GUCY1A2: variants seen among roughly 807,000 people sequenced by gnomAD.
GUCY1A2 encodes guanylate cyclase 1 soluble subunit alpha 2.
A neutral mutation model predicts 63.5 loss-of-function variants in GUCY1A2; 27 were observed. The observed-to-expected ratio is 0.43, with a 90% CI of 0.31 to 0.59. The LOEUF is 0.59. GUCY1A2 is among the 20% of genes least tolerant of loss of function. The probability of loss-of-function intolerance (pLI) is 0.11; values close to 1 mark genes in which losing one functional copy is unlikely to be tolerated. For synonymous variants in GUCY1A2, 364 were observed against 343.5 expected, an observed-to-expected ratio of 1.06 and a Z score of -0.66; for missense variants, 768 against 913.3, an observed-to-expected ratio of 0.84 and a Z score of 2.05.
At position 106,928,572 on chromosome 11, in the gene GUCY1A2, T is replaced by C. The variant is rs144373980; in HGVS notation, c.1206+10888A>G. Reference sequence around the variant, plus strand: ...TATGATTCAAACATAAATACAGTCATGAATCACTTAACAACAAGAGAAATA... The same window carrying C: ...TATGATTCAAACATAAATACAGTCACGAATCACTTAACAACAAGAGAAATA... On this transcript the variant is annotated intron_variant, in intron 4 of 7. Transcript: ENST00000526355. 1.1e-4 allele frequency among the ~76,000 whole-genome samples: 16 copies of C among 151,896 alleles called. No homozygotes were observed. In the East Asian group the frequency reaches 2.7e-3, roughly 26 times the overall value.
rs6144495 is a variant in GUCY1A2 at position 106,922,662 on chromosome 11, CATATATATATATATATATATAT to C, written c.1206+16776_1206+16797del. Among the ~76,000 whole-genome samples the C allele has an allele frequency of 3.1e-3, 385 of 124,796 alleles. 2 individuals are homozygous for C. Among genetic ancestry groups the C allele is most frequent in the African/African-American group, 9.0e-3 (280 of 31,112 alleles). 81.9% of individuals were successfully genotyped at this position (124,796 alleles called of 152,430 possible). A position where few individuals can be genotyped will look rare whatever the true frequency, so the allele number is the denominator to read the frequency against. ...TGGTAATTCAGTGCTTTGTTAACTA[CATATATATATATATATATATAT>C]ATATATATATATATATATATATATA... is the stretch of plus-strand genomic sequence containing the variant. On this transcript the variant is annotated intron_variant, in intron 4 of 7. Coordinates refer to ENST00000526355, the MANE Select transcript of GUCY1A2 (RefSeq NM_000855.3).
At chr11:106,898,895 A>G (rs1193390058) in intron 4 of GUCY1A2, among the ~76,000 whole-genome samples, 1 of 152,204 alleles carries the variant, frequency 6.6e-6, no homozygotes, top group Non-Finnish European at 1.5e-5. Context: ...GAATTGTAAC[A>G]AATGTATCAC....
At chr11:106,994,712 G>A (rs982893747) in intron 1 of GUCY1A2, among the ~76,000 whole-genome samples, 5 of 152,196 alleles carry the variant, frequency 3.3e-5, no homozygotes, top group African/African-American at 7.2e-5. Context: ...AGACCAGGTC[G>A]TGGGTCTCCT....
At chr11:106,935,475 T>C (rs541657884) in intron 4 of GUCY1A2, among the ~76,000 whole-genome samples, 2 of 152,152 alleles carry the variant, frequency 1.3e-5, no homozygotes, top group Non-Finnish European at 2.9e-5. Context: ...GATCCCTTCA[T>C]GGTAGGTAAG....
intron 6 of GUCY1A2, among the ~76,000 whole-genome samples, chr11:106,763,790 C>T (rs906217735): frequency 4.6e-5 from 7 of 152,088 alleles, no homozygotes; most frequent in African/African-American, 1.7e-4. Flanking sequence ...TAAAGGCTTG[C>T]AGGCTGACTG....
intron 1 of GUCY1A2, among the ~76,000 whole-genome samples, chr11:106,991,715 T>C (rs1861472570): frequency 2.0e-5 from 3 of 152,232 alleles, no homozygotes; most frequent in Admixed American, 6.5e-5. Flanking sequence ...ACTAATGGCT[T>C]ATAATCAAAT....
At chr11:106,774,812 T>C (rs531402124) in intron 6 of GUCY1A2, among the ~76,000 whole-genome samples, 1 of 152,318 alleles carries the variant, frequency 6.6e-6, no homozygotes, top group African/African-American at 2.4e-5. Context: ...GCTTCATCTA[T>C]GTCTAATCTG....
At chr11:106,724,828 A>C (rs1005552369) in intron 6 of GUCY1A2, among the ~76,000 whole-genome samples, 1 of 152,158 alleles carries the variant, frequency 6.6e-6, no homozygotes, top group Non-Finnish European at 1.5e-5. Context: ...TAGAGTGTGC[A>C]ACACTCTGTG....
chr11:106,809,467 C>T (rs1289551304), intron 5 of GUCY1A2, among the ~76,000 whole-genome samples: 1 of 152,004 alleles, frequency 6.6e-6, no homozygotes, highest in Non-Finnish European at 1.5e-5. Flanking sequence ...TAAGGTACTT[C>T]CTCAAAAACT....
chr11:106,909,903 CCACAACTTTGTGGG>C (rs1860269800), intron 4 of GUCY1A2, among the ~76,000 whole-genome samples: 1 of 151,832 alleles, frequency 6.6e-6, no homozygotes. Flanking sequence ...TGGTAATTGC[CCACAACTTTGTGGG>C]CACATTCATT....
At chr11:107,000,106 G>C (rs1037594526) in intron 1 of GUCY1A2, among the ~76,000 whole-genome samples, 2 of 152,144 alleles carry the variant, frequency 1.3e-5, no homozygotes, top group African/African-American at 4.8e-5. Flanking sequence ...CAGCAGGAAA[G>C]TTAGGTTTAT....
At chr11:106,703,838 A>G (rs1006108321) in intron 7 of GUCY1A2, among the ~76,000 whole-genome samples, 1 of 151,982 alleles carries the variant, frequency 6.6e-6, no homozygotes, top group African/African-American at 2.4e-5. Context: ...TTATTAAGTA[A>G]TGATTACTTA....
At chr11:106,991,234 G>C (rs1224121640) in intron 1 of GUCY1A2, among the ~76,000 whole-genome samples, 1 of 151,858 alleles carries the variant, frequency 6.6e-6, no homozygotes, top group Non-Finnish European at 1.5e-5. Context: ...CTGACCTTAA[G>C]TGATCCACCC....
At chr11:106,957,678 AT>A (rs1565343549) in intron 3 of GUCY1A2, among the ~76,000 whole-genome samples, 1 of 150,180 alleles carries the variant, frequency 6.7e-6, no homozygotes, top group African/African-American at 2.5e-5. Flanking sequence ...ACATGCTTAG[AT>A]TTTTTTTCCA....
intron 1 of GUCY1A2, 136 bp downstream of exon 1, chr11:107,017,617 C>T: frequency 2.4e-6 from 1 of 418,954 alleles, no homozygotes; most frequent in Non-Finnish European, 4.1e-6. Context: ...CACTGGAACC[C>T]TAGGCCGTGC....
At chr11:106,817,995 T>C (rs945428924) in intron 4 of GUCY1A2, among the ~76,000 whole-genome samples, 7 of 152,134 alleles carry the variant, frequency 4.6e-5, no homozygotes, top group Non-Finnish European at 1.0e-4. Context: ...CTACTGAGTA[T>C]ATATTTAAAA....
intron 4 of GUCY1A2, among the ~76,000 whole-genome samples, chr11:106,813,525 T>A (rs1202012545): frequency 6.6e-6 from 1 of 152,086 alleles, no homozygotes; most frequent in East Asian, 1.9e-4. Context: ...CCAGGTCATA[T>A]AACTGCACAT....
chr11:106,868,200 A>G (rs969201084), intron 4 of GUCY1A2, among the ~76,000 whole-genome samples: 4 of 152,110 alleles, frequency 2.6e-5, no homozygotes, highest in African/African-American at 9.7e-5. Context: ...GGCAAGATTG[A>G]GTAGGTGAAA....
intron 5 of GUCY1A2, among the ~76,000 whole-genome samples, chr11:106,787,885 T>C (rs1296949601): frequency 6.6e-6 from 1 of 152,072 alleles, no homozygotes; most frequent in Non-Finnish European, 1.5e-5. Flanking sequence ...ACTTCCCTTC[T>C]TTTGGACATA....
Sources: gnomAD v4.1 joint callset for allele counts (sites outside exome capture counted in the v4.1 genomes callset) on GRCh38, gnomAD v4.1.1 for gene constraint, MANE v1.5 for transcripts, NCBI Gene and HGNC (gene_info 2026-07-23, HGNC 2026-07-21) for gene names.